Variants in CAAP1 observed in about 807,000 individuals in gnomAD.
The protein encoded by CAAP1 is caspase activity and apoptosis inhibitor 1, also known as conserved anti-apoptotic protein.
CAAP1 carries 20 observed loss-of-function variants against 34.0 expected under a neutral mutation model. The observed-to-expected ratio is 0.59, with a 90% CI of 0.41 to 0.86. CAAP1 has a LOEUF of 0.86. Among genes scored for constraint, CAAP1 ranks in the 40% least tolerant of loss-of-function variants. The pLI is 0.00. For synonymous variants in CAAP1, 213 were observed against 166.7 expected (o/e 1.28, Z -2.14); for missense variants, 538 against 450.5 (o/e 1.19, Z -1.76).
intron 4 of CAAP1, among the ~76,000 whole-genome samples, chr9:26,875,928 G>C (rs191687918): frequency 5.3e-5 from 8 of 152,154 alleles, no homozygotes; most frequent in Admixed American, 4.6e-4. Context: ...CTATAACTTT[G>C]GCTTATTGTC....
At chr9:26,862,963 G>T (rs867227466) in intron 4 of CAAP1, among the ~76,000 whole-genome samples, 1 of 151,974 alleles carries the variant, frequency 6.6e-6, no homozygotes, top group Non-Finnish European at 1.5e-5. Context: ...ATGCAAATGG[G>T]ATAGAAGGTC....
At chr9:26,877,080 T>TTTGA (rs1260393704) in intron 4 of CAAP1, among the ~76,000 whole-genome samples, 1 of 151,992 alleles carries the variant, frequency 6.6e-6, no homozygotes, top group Non-Finnish European at 1.5e-5. Flanking sequence ...AGCCCAGGAG[T>TTTGA]TTGAGGCTAC....
chr9:26,844,927 G>C (rs933773385), intron 5 of CAAP1, among the ~76,000 whole-genome samples: 20 of 152,134 alleles, frequency 1.3e-4, no homozygotes, highest in African/African-American at 4.6e-4. Context: ...CAGGGTGACG[G>C]CCTTCTTCAC....
chr9:26,880,312 T>C, intron 4 of CAAP1: 1 of 337,168 alleles, frequency 3.0e-6, no homozygotes, highest in Non-Finnish European at 5.8e-6. Context: ...TGGTCTGATT[T>C]GAAGTCCTGA....
chr9:26,861,051 G>C lies in CAAP1; in HGVS notation c.739+15C>G, dbSNP rs1271881810. The C allele has an allele frequency of 6.4e-7, 1 of 1,563,508 alleles. No homozygotes were observed. Among genetic ancestry groups the C allele is most frequent in the Admixed American group, 1.7e-5 (1 of 59,234 alleles). On this transcript the variant is annotated intron_variant, in intron 5 of 5. Transcript: ENST00000333916. The stretch of plus-strand genomic sequence containing the variant: ...CAGGTAAATTTTATACAATAATCAA[G>C]TACTTGGTTCATACCTTGTTTTAAT...
chr9:26,853,027 G>T (rs1822789284), intron 5 of CAAP1, among the ~76,000 whole-genome samples: 3 of 152,196 alleles, frequency 2.0e-5, no homozygotes. Flanking sequence ...TCATGTTAAG[G>T]CTGTATACTG....
At chr9:26,886,050 C>A in intron 3 of CAAP1, 54 bp downstream of exon 3, 1 of 819,066 alleles carries the variant, frequency 1.2e-6, no homozygotes, top group Non-Finnish European at 1.9e-6. Flanking sequence ...AGGATTTATG[C>A]TGAATATAGT....
intron 1 of CAAP1, among the ~76,000 whole-genome samples, chr9:26,891,328 AT>A (rs1395477883): frequency 1.3e-5 from 2 of 152,194 alleles, no homozygotes; most frequent in East Asian, 1.9e-4. Flanking sequence ...TAGTCTGGCA[AT>A]TTTTTTAAAA....
chr9:26,883,120 G>C (rs1366542834), intron 4 of CAAP1, among the ~76,000 whole-genome samples: 1 of 152,146 alleles, frequency 6.6e-6, no homozygotes, highest in Non-Finnish European at 1.5e-5. Flanking sequence ...AATGAGTTAA[G>C]ACTTTGGGGG....
chr9:26,880,154 G>T, intron 4 of CAAP1: 1 of 233,234 alleles, frequency 4.3e-6, no homozygotes, highest in South Asian at 4.3e-5. Context: ...TTTCTTAAAA[G>T]GATGTTCTCC....
intron 4 of CAAP1, among the ~76,000 whole-genome samples, chr9:26,878,854 T>C (rs534070942): frequency 1.3e-5 from 2 of 152,062 alleles, no homozygotes; most frequent in Admixed American, 6.5e-5. Flanking sequence ...GGATCTTCAA[T>C]GCAAATCAAT....
At position 26,876,973 on chromosome 9, in the gene CAAP1, G is replaced by A. The variant is rs577382088; in HGVS notation, c.665+7837C>T. ...GTTCAAGACCAGCCTGGACAACATAGTGAGACCCTGTCTCTACAAAAAATT... is the reference window on the plus strand; with the variant it reads ...GTTCAAGACCAGCCTGGACAACATAATGAGACCCTGTCTCTACAAAAAATT... On this transcript the variant is annotated intron_variant, in intron 4 of 5. Coordinates refer to ENST00000333916, the MANE Select transcript of CAAP1 (RefSeq NM_024828.4). Among the ~76,000 whole-genome samples, 152 of 152,184 alleles carry A rather than the reference G, an allele frequency of 1.0e-3. 1 individual carries two copies. Among genetic ancestry groups the A allele is most frequent in the Admixed American group, 2.7e-3 (41 of 15,268 alleles).
chr9:26,862,333 T>C (rs971071602), intron 4 of CAAP1, among the ~76,000 whole-genome samples: 1 of 152,130 alleles, frequency 6.6e-6, no homozygotes, highest in East Asian at 1.9e-4. Flanking sequence ...GTCTTAAGTA[T>C]CTTCCTTTAG....
intron 5 of CAAP1, among the ~76,000 whole-genome samples, chr9:26,843,784 T>C (rs1052964934): frequency 6.6e-6 from 1 of 152,198 alleles, no homozygotes; most frequent in Non-Finnish European, 1.5e-5. Flanking sequence ...TAATCAATGA[T>C]GATTTACTGA....
At chr9:26,859,181 G>A (rs1822948222) in intron 5 of CAAP1, among the ~76,000 whole-genome samples, 1 of 152,022 alleles carries the variant, frequency 6.6e-6, no homozygotes, top group Non-Finnish European at 1.5e-5. Flanking sequence ...CCTGAGTGTG[G>A]TTACAGGCTC....
chr9:26,887,113 G>A (rs1026013205), intron 2 of CAAP1, among the ~76,000 whole-genome samples, 200 bp downstream of exon 2: 3 of 152,284 alleles, frequency 2.0e-5, no homozygotes, highest in African/African-American at 7.2e-5. Flanking sequence ...TCAGGAGGCT[G>A]AGGCAAGAGA....
intron 5 of CAAP1, among the ~76,000 whole-genome samples, chr9:26,852,476 A>T (rs965282175): frequency 6.6e-6 from 1 of 151,938 alleles, no homozygotes. Flanking sequence ...ACAAAAAAAA[A>T]GGGTATTGAG....
At chr9:26,852,314 G>A (rs1283557097) in intron 5 of CAAP1, among the ~76,000 whole-genome samples, 1 of 152,090 alleles carries the variant, frequency 6.6e-6, no homozygotes, top group African/African-American at 2.4e-5. Context: ...AATTAGCTGG[G>A]CGTGGTGGTG....
intron 1 of CAAP1, among the ~76,000 whole-genome samples, chr9:26,889,853 G>A (rs1377792989): frequency 1.5e-5 from 2 of 137,134 alleles, no homozygotes; most frequent in African/African-American, 5.7e-5. Context: ...GGGCGACAGA[G>A]CGAGACTCTG....
Sources: allele counts gnomAD v4.1 joint callset (sites outside exome capture counted in the v4.1 genomes callset), GRCh38; gene constraint gnomAD v4.1.1; transcripts MANE v1.5; gene names NCBI Gene and HGNC (gene_info 2026-07-23, HGNC 2026-07-21).